The following HDGFL2 variants were observed in gnomAD, a reference collection of about 807,000 sequenced individuals.
The protein encoded by HDGFL2 is HDGF like 2, also known as hepatoma-derived growth factor-related protein 2.
In HDGFL2, 36 loss-of-function variants were observed where a neutral mutation model predicts 77.1. The observed-to-expected ratio is 0.47, with a 90% CI of 0.36 to 0.62. The LOEUF (loss-of-function observed/expected upper bound fraction) is 0.62. Ranked by LOEUF, HDGFL2 falls within the 20% of genes least tolerant of loss-of-function variation. The pLI, the probability that HDGFL2 is intolerant of heterozygous loss-of-function variation, is 0.00. For missense variants in HDGFL2, 976 were observed against 973.4 expected (o/e 1.00, Z -0.04); for synonymous variants, 463 against 413.1 (o/e 1.12, Z -1.46).
chr19:4,495,162 T>C (rs10414435), intron 9 of HDGFL2, among the ~76,000 whole-genome samples: 103,641 of 151,334 alleles, frequency 0.68, 35,866 homozygotes, highest in Middle Eastern at 0.77. Context: ...CCAAGGCGGG[T>C]GGATCACGAG....
At chr19:4,500,614 C>T (rs1250569589) in intron 14 of HDGFL2, among the ~76,000 whole-genome samples, 1 of 152,110 alleles carries the variant, frequency 6.6e-6, no homozygotes, top group African/African-American at 2.4e-5. Flanking sequence ...GCACCCAACA[C>T]CACACCAGGC....
In HDGFL2 at chr19:4,502,026, GC is replaced by G; in HGVS notation, c.*19del. 6.6e-7 allele frequency: 1 copy of G among 1,516,876 alleles called. No homozygotes were observed. Among genetic ancestry groups the G allele is most frequent in the Non-Finnish European group, 8.8e-7 (1 of 1,134,874 alleles). The allele number at this position is 1,516,876 out of a possible 1,614,324, so 94.0% of individuals were successfully genotyped here. A position where few individuals can be genotyped will look rare whatever the true frequency, so the allele number is the denominator to read the frequency against. On this transcript the variant is annotated 3_prime_UTR_variant, in exon 16 of 16. Coordinates refer to ENST00000616600, the MANE Select transcript of HDGFL2 (RefSeq NM_001001520.3). ...GGAGAGCTGAGCCGCGGGCAGCCAG[GC>G]CCAGCCCCCGCCCGAGCTCAGGCTG...
At chr19:4,483,247 A>T (rs950576411) in intron 3 of HDGFL2, among the ~76,000 whole-genome samples, 30 of 152,176 alleles carry the variant, frequency 2.0e-4, no homozygotes, top group African/African-American at 6.8e-4. Context: ...ACGCTTCACC[A>T]CACCCGGTTC....
intron 4 of HDGFL2, among the ~76,000 whole-genome samples, chr19:4,490,331 T>G (rs1975474722): frequency 6.6e-6 from 1 of 152,138 alleles, no homozygotes; most frequent in South Asian, 2.1e-4. Context: ...CTGATCAGCC[T>G]GCCTCGGCCT....
intron 9 of HDGFL2, 116 bp from the exon 10 acceptor site, chr19:4,496,182 TCAAA>T (rs1975696266): frequency 6.3e-6 from 5 of 798,102 alleles, no homozygotes. Flanking sequence ...CCCAGCACCT[TCAAA>T]CAGTGTGGAG....
intron 3 of HDGFL2, chr19:4,486,293 G>A (rs1975361767): frequency 6.6e-6 from 1 of 151,992 alleles, no homozygotes. Context: ...CCTGACAGCA[G>A]GGACTGCGTT....
intron 3 of HDGFL2, among the ~76,000 whole-genome samples, chr19:4,478,521 C>T (rs890541424): frequency 3.3e-5 from 5 of 151,890 alleles, no homozygotes; most frequent in African/African-American, 1.2e-4. Context: ...CTTTTAACAG[C>T]CTTAGCGCAA....
chr19:4,497,776 C>T (rs1599723757), intron 10 of HDGFL2, 182 bp from the exon 11 acceptor site: 1 of 588,980 alleles, frequency 1.7e-6, no homozygotes. Flanking sequence ...CCTGTGGCTG[C>T]CCTGGTCTGC....
intron 1 of HDGFL2, among the ~76,000 whole-genome samples, chr19:4,472,799 C>T (rs1383228469): frequency 6.9e-6 from 1 of 145,870 alleles, no homozygotes; most frequent in Non-Finnish European, 1.5e-5. Flanking sequence ...CCGTCTGGGC[C>T]TGCAGGAGCC....
chr19:4,493,813 C>T lies in HDGFL2; in HGVS notation c.789C>T (p.Ser263=). 2 of 1,537,612 alleles carry T rather than the reference C, an allele frequency of 1.3e-6. No individual in the cohort carries two copies. Among genetic ancestry groups the T allele is most frequent in the South Asian group, 1.2e-5 (1 of 82,590 alleles). The change falls in exon 7 of 16, where the codon TCC becomes TCT. Residue 263 remains serine (S), a synonymous_variant. Coordinates refer to ENST00000616600, the MANE Select transcript of HDGFL2 (RefSeq NM_001001520.3). ...CCTCCTCCTCCTCTTCCTCCTCCTC[C>T]TCCGACTCCGATGTGTCTGTGAAGA... is the stretch of plus-strand genomic sequence containing the variant. ...SASSSSSSSS[S]SDSDVSVKKP...
intron 10 of HDGFL2, chr19:4,496,785 G>C: frequency 2.6e-6 from 1 of 381,936 alleles, no homozygotes; most frequent in African/African-American, 2.1e-5. Context: ...ACAAGCAGAG[G>C]AGGAGGGAGA....
At chr19:4,484,397 T>A (rs1975305553) in intron 3 of HDGFL2, among the ~76,000 whole-genome samples, 1 of 152,050 alleles carries the variant, frequency 6.6e-6, no homozygotes, top group Non-Finnish European at 1.5e-5. Flanking sequence ...TTTATTATTA[T>A]TTTTTTTCCC....
At chr19:4,495,829 C>T (rs1036364990) in intron 9 of HDGFL2, among the ~76,000 whole-genome samples, 1 of 152,096 alleles carries the variant, frequency 6.6e-6, no homozygotes, top group East Asian at 1.9e-4. Flanking sequence ...TGTGGTGCTG[C>T]GGGCCCTGTC....
At chr19:4,489,208 C>T (rs954447194) in intron 4 of HDGFL2, among the ~76,000 whole-genome samples, 11 of 151,340 alleles carry the variant, frequency 7.3e-5, no homozygotes, top group African/African-American at 2.7e-4. Flanking sequence ...CTGCCTCGGT[C>T]TCTCAAAGTG....
At chr19:4,486,216 T>C (rs1465836346) in intron 3 of HDGFL2, among the ~76,000 whole-genome samples, 2 of 152,104 alleles carry the variant, frequency 1.3e-5, no homozygotes, top group African/African-American at 4.8e-5. Context: ...CTGGGAGCTG[T>C]GGCAGCACAG....
intron 4 of HDGFL2, among the ~76,000 whole-genome samples, chr19:4,491,001 G>T (rs1975492393): frequency 6.6e-6 from 1 of 151,922 alleles, no homozygotes; most frequent in African/African-American, 2.4e-5. Flanking sequence ...GTAGAGATGG[G>T]GTTTCTCCAT....
intron 4 of HDGFL2, among the ~76,000 whole-genome samples, chr19:4,490,607 T>C (rs1056111853): frequency 1.3e-5 from 2 of 152,208 alleles, no homozygotes; most frequent in African/African-American, 4.8e-5. Context: ...TATTTGGGTG[T>C]AGAAACAAAG....
intron 9 of HDGFL2, among the ~76,000 whole-genome samples, chr19:4,494,777 G>A (rs543873283): frequency 6.6e-6 from 1 of 152,142 alleles, no homozygotes; most frequent in African/African-American, 2.4e-5. Context: ...AATTAGCTGG[G>A]CGTGGTGGTG....
chr19:4,501,764 G>T, intron 15 of HDGFL2, 147 bp from the exon 16 acceptor site: 1 of 587,586 alleles, frequency 1.7e-6, no homozygotes, highest in Non-Finnish European at 2.8e-6. Flanking sequence ...GTCTCTAGTG[G>T]CAGAAGACAG....
Sources: allele counts gnomAD v4.1 joint callset (sites outside exome capture counted in the v4.1 genomes callset), GRCh38; gene constraint gnomAD v4.1.1; transcripts MANE v1.5; gene names NCBI Gene and HGNC (gene_info 2026-07-23, HGNC 2026-07-21).